KHDC1: variants seen among roughly 807,000 people sequenced by gnomAD.
The protein encoded by KHDC1 is KH homology domain-containing protein 1.
A neutral mutation model predicts 24.7 loss-of-function variants in KHDC1; 21 were observed. The observed-to-expected ratio is 0.85, with a 90% confidence interval of 0.60 to 1.23. The LOEUF (loss-of-function observed/expected upper bound fraction) is 1.23. Ranked by LOEUF, KHDC1 falls within the 50% of genes most tolerant of loss-of-function variation. The pLI is 0.00. For missense variants in KHDC1, 274 were observed against 298.5 expected (o/e 0.92, Z 0.61); for synonymous variants, 98 against 111.7 (o/e 0.88, Z 0.77).
intron 2 of KHDC1, among the ~76,000 whole-genome samples, chr6:73,288,430 G>A (rs947484316): frequency 6.6e-6 from 1 of 152,136 alleles, no homozygotes; most frequent in African/African-American, 2.4e-5. Flanking sequence ...AGACCAGCCT[G>A]GGCAACATGG....
Position 73,297,049 on chromosome 6 carries a change from T to C in KHDC1, c.164-5009A>G, listed in dbSNP as rs962617828. Among the ~76,000 whole-genome samples the C allele has an allele frequency of 2.6e-5, 4 of 152,180 alleles. No individual in the cohort carries two copies. The East Asian group carries it at 5.8e-4, about 22-fold the overall frequency. ...CCAAGTAGCTGAGATTACAGGCACG[T>C]GCCACCATGCCTGGCTAAATTTTGT... On this transcript the variant is annotated intron_variant, in intron 1 of 4. Coordinates refer to ENST00000370384, the Ensembl canonical transcript of KHDC1.
At chr6:73,298,983 C>T (rs1442575280) in intron 1 of KHDC1, 1 of 152,204 alleles carries the variant, frequency 6.6e-6, no homozygotes, top group African/African-American at 2.4e-5. Context: ...GAGGATGCAA[C>T]TTGTAGAGAG....
chr6:73,288,312 C>G (rs924861618), intron 2 of KHDC1, among the ~76,000 whole-genome samples: 6 of 152,128 alleles, frequency 3.9e-5, no homozygotes, highest in African/African-American at 1.4e-4. Context: ...CCATCCCTAT[C>G]AGAAAAGATC....
rs144244210 is a variant in KHDC1, at chr6:73,243,901, T to C, written c.207-1371A>G. The stretch of plus-strand genomic sequence containing the variant: ...GGTTGCTGGACCTCCAGAAAAGAAA[T>C]AGTGTCATCTATTGATTTCTGCTAA... On this transcript the variant is annotated intron_variant, in intron 2 of 4. Coordinates refer to ENST00000370384, the Ensembl canonical transcript of KHDC1. Among the ~76,000 whole-genome samples the C allele has an allele frequency of 1.0e-3, 158 of 152,256 alleles. 3 individuals are homozygous for C. In the East Asian group the frequency reaches 0.025, roughly 25 times the overall value.
intron 2 of KHDC1, chr6:73,275,422 A>T (rs1278134561): frequency 6.0e-6 from 1 of 167,054 alleles, no homozygotes; most frequent in Admixed American, 6.5e-5. Context: ...GCCTGGTTGC[A>T]ACCCTGTGCG....
intron 2 of KHDC1, among the ~76,000 whole-genome samples, chr6:73,284,119 G>T (rs1412520550): frequency 6.6e-6 from 1 of 152,104 alleles, no homozygotes; most frequent in African/African-American, 2.4e-5. Flanking sequence ...TCCCCTCCTT[G>T]TTCAGGAACT....
chr6:73,282,114 A>T (rs1466726108), intron 2 of KHDC1, among the ~76,000 whole-genome samples: 1 of 149,518 alleles, frequency 6.7e-6, no homozygotes, highest in African/African-American at 2.5e-5. Flanking sequence ...GCTACTCAGG[A>T]GGCTGAGGCA....
chr6:73,257,726 T>C (rs944810627), intron 2 of KHDC1, among the ~76,000 whole-genome samples: 3 of 152,026 alleles, frequency 2.0e-5, no homozygotes, highest in African/African-American at 7.2e-5. Flanking sequence ...AATTCATCTT[T>C]AAATAGTTAA....
At chr6:73,242,296 A>T (rs1289046104) in intron 3 of KHDC1, 59 bp from the exon 3 acceptor site, 5 of 1,602,688 alleles carry the variant, frequency 3.1e-6, no homozygotes, top group Non-Finnish European at 3.4e-6. Flanking sequence ...GGGAATGGGG[A>T]GGTGGCCTTC....
intron 2 of KHDC1, among the ~76,000 whole-genome samples, chr6:73,282,146 A>G (rs1767426368): frequency 6.8e-6 from 1 of 147,412 alleles, no homozygotes; most frequent in Admixed American, 6.8e-5. Flanking sequence ...TGTACTCGGA[A>G]GGCGAAGGTT....
intron 2 of KHDC1, among the ~76,000 whole-genome samples, chr6:73,252,040 CTTTTT>C (rs112248383): frequency 7.5e-6 from 1 of 132,744 alleles, no homozygotes. Context: ...TAAATCATAT[CTTTTT>C]TTTTTTTTTT....
intron 1 of KHDC1, among the ~76,000 whole-genome samples, chr6:73,307,930 C>A (rs1354586997): frequency 6.6e-6 from 1 of 151,968 alleles, no homozygotes; most frequent in African/African-American, 2.4e-5. Context: ...GACAGAGTCT[C>A]GCTCTGTCGC....
chr6:73,247,762 TAGG>T (rs1364913466), intron 2 of KHDC1, among the ~76,000 whole-genome samples: 3 of 147,348 alleles, frequency 2.0e-5, no homozygotes, highest in African/African-American at 7.7e-5. Flanking sequence ...GAGGCTGAGG[TAGG>T]AGAATGGCTT....
chr6:73,308,628 G>A (rs142212054), intron 1 of KHDC1, among the ~76,000 whole-genome samples: 1 of 151,940 alleles, frequency 6.6e-6, no homozygotes, highest in Non-Finnish European at 1.5e-5. Context: ...CTCCCGAGTA[G>A]CTGGAACTTC....
chr6:73,261,911 C>CA (rs1305177330), intron 2 of KHDC1, among the ~76,000 whole-genome samples: 943 of 87,434 alleles, frequency 0.011, 10 homozygotes, highest in Admixed American at 0.03. Flanking sequence ...GACTCCATCT[C>CA]AAAAAAAAAA....
chr6:73,244,853 AGCACAGGAGTCTAAGCCT>A (rs1766636789), intron 2 of KHDC1, among the ~76,000 whole-genome samples: 1 of 152,162 alleles, frequency 6.6e-6, no homozygotes, highest in Non-Finnish European at 1.5e-5. Flanking sequence ...AAATTGCTTG[AGCACAGGAGTCTAAGCCT>A]GCAGTGAGCT....
chr6:73,282,759 C>T (rs1325836189), intron 2 of KHDC1, among the ~76,000 whole-genome samples: 1 of 152,080 alleles, frequency 6.6e-6, no homozygotes, highest in Non-Finnish European at 1.5e-5. Context: ...GAACTGACTC[C>T]GTGCAAGAGG....
intron 1 of KHDC1, among the ~76,000 whole-genome samples, chr6:73,296,608 T>C (rs1300020942): frequency 2.0e-5 from 3 of 152,212 alleles, no homozygotes; most frequent in Non-Finnish European, 4.4e-5. Flanking sequence ...GTATACTTTT[T>C]AATTTACATT....
intron 2 of KHDC1, chr6:73,269,902 G>A (rs2150600091): frequency 6.6e-6 from 1 of 152,088 alleles, no homozygotes; most frequent in African/African-American, 2.4e-5. Flanking sequence ...TGAGCAGCTG[G>A]GACTACAGGC....
Sources: allele counts gnomAD v4.1 joint callset (sites outside exome capture counted in the v4.1 genomes callset), GRCh38; gene constraint gnomAD v4.1.1; transcripts MANE v1.5; gene names NCBI Gene and HGNC (gene_info 2026-07-23, HGNC 2026-07-21).